Variants in RANBP2 observed in about 807,000 individuals in gnomAD.
RANBP2 encodes the protein RAN binding protein 2.
Under a neutral mutation model 303.6 loss-of-function variants are expected in RANBP2, and 57 were observed. That is an observed-to-expected ratio of 0.19 (90% CI 0.15 to 0.23). The LOEUF (loss-of-function observed/expected upper bound fraction) is 0.23. Among genes scored for constraint, RANBP2 ranks in the 10% least tolerant of loss-of-function variants. The probability of loss-of-function intolerance (pLI) is 1.00; values close to 1 mark genes in which losing one functional copy is unlikely to be tolerated. For missense variants in RANBP2, 3,138 were observed against 3,780.8 expected, an observed-to-expected ratio of 0.83 and a Z score of 4.46; for synonymous variants, 1,167 against 1,301.5, an observed-to-expected ratio of 0.90 and a Z score of 2.23.
At chr2:108,836,763 A>G in the RANBP2 span, among the ~76,000 whole-genome samples, 9 of 152,026 alleles carry the variant, frequency 5.9e-5, no homozygotes, top group Non-Finnish European at 8.8e-5. Context: ...TTTTTAGTGT[A>G]TAAGTTTTTT....
the RANBP2 span, among the ~76,000 whole-genome samples, chr2:109,306,098 T>G: frequency 6.6e-6 from 1 of 152,346 alleles, no homozygotes; most frequent in East Asian, 1.9e-4. Flanking sequence ...TTTGTCTACC[T>G]CACGCTAAAG....
the RANBP2 span, among the ~76,000 whole-genome samples, chr2:108,798,168 T>C: frequency 0.075 from 11,345 of 152,156 alleles, 1,421 homozygotes; most frequent in African/African-American, 0.26. Context: ...ATCTGCATAG[T>C]GCTGATCCAT....
intron 1 of RANBP2, among the ~76,000 whole-genome samples, chr2:108,723,273 A>G (rs1421698181): frequency 7.0e-6 from 1 of 142,602 alleles, no homozygotes; most frequent in African/African-American, 2.6e-5. Flanking sequence ...CATTTTAGAC[A>G]TTTTCTTTTC....
At chr2:108,734,850 G>A (rs1324372914) in intron 4 of RANBP2, among the ~76,000 whole-genome samples, 2 of 152,024 alleles carry the variant, frequency 1.3e-5, no homozygotes, top group African/African-American at 4.8e-5. Flanking sequence ...TTAAGGAACT[G>A]AGTAGTCAGC....
At chr2:108,916,754 A>C in the RANBP2 span, among the ~76,000 whole-genome samples, 2 of 152,190 alleles carry the variant, frequency 1.3e-5, no homozygotes, top group Non-Finnish European at 2.9e-5. Flanking sequence ...ACATTTCTCC[A>C]GAGCTCAGCC....
chr2:109,265,258 A>T, the RANBP2 span, among the ~76,000 whole-genome samples: 1 of 152,210 alleles, frequency 6.6e-6, no homozygotes, highest in Non-Finnish European at 1.5e-5. Flanking sequence ...GGACAAGGCC[A>T]GGGGAGCTCT....
At chr2:109,064,985 A>T in the RANBP2 span, among the ~76,000 whole-genome samples, 3 of 152,222 alleles carry the variant, frequency 2.0e-5, no homozygotes, top group African/African-American at 7.2e-5. Context: ...CTTGGGGTTT[A>T]AATAAATAAA....
the RANBP2 span, among the ~76,000 whole-genome samples, chr2:109,653,394 CAA>C: frequency 1.9e-4 from 27 of 141,806 alleles, no homozygotes; most frequent in Middle Eastern, 3.6e-3. Context: ...GATTTCGTCT[CAA>C]AAAAAAAAAA....
At chr2:108,902,692 T>A in the RANBP2 span, among the ~76,000 whole-genome samples, 1 of 152,208 alleles carries the variant, frequency 6.6e-6, no homozygotes, top group East Asian at 1.9e-4. Context: ...ACATCAGGTA[T>A]GGCTTATTCC....
the RANBP2 span, among the ~76,000 whole-genome samples, chr2:108,793,570 T>C: frequency 2.0e-5 from 3 of 151,992 alleles, no homozygotes; most frequent in Non-Finnish European, 4.4e-5. Context: ...CTACTACTTA[T>C]ATACCCTCAG....
chr2:108,988,549 G>T, the RANBP2 span, among the ~76,000 whole-genome samples: 1,082 of 152,252 alleles, frequency 7.1e-3, 9 homozygotes, highest in South Asian at 0.028. Flanking sequence ...GGTACGCAGA[G>T]TTGGAGGCAG....
the RANBP2 span, chr2:109,398,445 G>C: frequency 1.3e-6 from 1 of 758,256 alleles, no homozygotes; most frequent in Non-Finnish European, 2.1e-6. Context: ...CACCCCACCA[G>C]CCTCTTCTGT....
chr2:109,419,409 C>T, the RANBP2 span: 84 of 922,446 alleles, frequency 9.1e-5, no homozygotes, highest in Middle Eastern at 2.1e-4. Context: ...AGGCACAGCA[C>T]GTTGGAGGCC....
rs1418479405 is a variant in RANBP2, at chr2:108,767,626, T to A, written c.7087T>A (p.Tyr2363Asn). 4.3e-6 allele frequency: 7 copies of A among 1,611,812 alleles called. No individual in the cohort carries two copies. Among genetic ancestry groups the A allele is most frequent in the Non-Finnish European group, 5.9e-6 (7 of 1,179,828 alleles). ...GIGDIKILQN[Y>N]DNKQVRIVMR... is the part of the protein sequence containing the mutation. ...TGGTGATATAAAGATTTTACAGAAT[T>A]ATGATAATAAGCAAGTTCGTATAGT... Residue 2363 changes from tyrosine to asparagine, a missense_variant, in exon 20 of 29, where the codon TAT becomes AAT. Tyr to Asn is a moderately radical substitution (Grantham distance 143). Coordinates refer to ENST00000283195, the MANE Select transcript of RANBP2 (RefSeq NM_006267.5).
At chr2:109,270,592 C>T in the RANBP2 span, among the ~76,000 whole-genome samples, 1 of 152,316 alleles carries the variant, frequency 6.6e-6, no homozygotes, top group Non-Finnish European at 1.5e-5. Context: ...AAGCGGACTT[C>T]ATCCCAGGAG....
chr2:108,929,167 G>T, the RANBP2 span: 2 of 1,612,946 alleles, frequency 1.2e-6, no homozygotes, highest in Non-Finnish European at 1.7e-6. Context: ...CAGAAAGCAT[G>T]CCAGGGTTTG....
the RANBP2 span, among the ~76,000 whole-genome samples, chr2:109,136,137 G>A: frequency 6.6e-6 from 1 of 152,116 alleles, no homozygotes; most frequent in African/African-American, 2.4e-5. Context: ...TCGGGGCTCA[G>A]TTTTGCAATT....
the RANBP2 span, among the ~76,000 whole-genome samples, chr2:109,725,594 C>T: frequency 2.0e-5 from 3 of 152,140 alleles, no homozygotes; most frequent in African/African-American, 7.2e-5. Flanking sequence ...CCTCTATCAC[C>T]TCATTTTGTC....
the RANBP2 span, among the ~76,000 whole-genome samples, chr2:109,739,574 A>C: frequency 6.6e-6 from 1 of 152,156 alleles, no homozygotes; most frequent in Non-Finnish European, 1.5e-5. Flanking sequence ...TTTTGATCTC[A>C]TATCCTACAA....
Sources: allele counts gnomAD v4.1 joint callset (sites outside exome capture counted in the v4.1 genomes callset), GRCh38; gene constraint gnomAD v4.1.1; transcripts MANE v1.5; gene names NCBI Gene and HGNC (gene_info 2026-07-23, HGNC 2026-07-21).